Variants in CACNA2D3 observed in about 807,000 individuals in gnomAD.
CACNA2D3 encodes the protein voltage-dependent calcium channel subunit alpha-2/delta-3.
A neutral mutation model predicts 160.6 loss-of-function variants in CACNA2D3; 60 were observed. The ratio of observed to expected loss-of-function variants is 0.37; its 90% CI spans 0.30 to 0.46. The LOEUF is 0.46. Ranked by LOEUF, CACNA2D3 falls within the 20% of genes least tolerant of loss-of-function variation. The pLI, the probability that CACNA2D3 is intolerant of heterozygous loss-of-function variation, is 1.00. For synonymous variants in CACNA2D3, 558 were observed against 492.9 expected, an observed-to-expected ratio of 1.13 and a Z score of -1.75; for missense variants, 1,205 against 1,365.0, an observed-to-expected ratio of 0.88 and a Z score of 1.85.
At chr3:54,708,606 A>AG (rs1312800645) in intron 11 of CACNA2D3, among the ~76,000 whole-genome samples, 1 of 152,176 alleles carries the variant, frequency 6.6e-6, no homozygotes, top group Non-Finnish European at 1.5e-5. Context: ...AGTATGCAGG[A>AG]GGTAGAGAGT....
intron 2 of CACNA2D3, among the ~76,000 whole-genome samples, chr3:54,285,281 T>A (rs1368744490): frequency 1.3e-5 from 2 of 152,182 alleles, no homozygotes; most frequent in Non-Finnish European, 2.9e-5. Context: ...CAGGAGATTA[T>A]ATTCCTCACC....
intron 3 of CACNA2D3, among the ~76,000 whole-genome samples, chr3:54,372,933 G>A (rs1255558444): frequency 6.6e-6 from 1 of 152,204 alleles, no homozygotes; most frequent in African/African-American, 2.4e-5. Context: ...AATAACAAAA[G>A]TGAATTTCAG....
intron 32 of CACNA2D3, among the ~76,000 whole-genome samples, chr3:55,007,105 T>G (rs2107141714): frequency 6.6e-6 from 1 of 152,328 alleles, no homozygotes; most frequent in Admixed American, 6.5e-5. Flanking sequence ...GAAATTGAAT[T>G]ATCCACATAG....
intron 27 of CACNA2D3, chr3:54,918,994 C>A: frequency 1.1e-6 from 1 of 871,174 alleles, no homozygotes; most frequent in South Asian, 3.3e-5. Flanking sequence ...TTATGAAGTA[C>A]CTTTTTTTTT....
At chr3:54,609,781 A>T (rs1217848294) in intron 9 of CACNA2D3, among the ~76,000 whole-genome samples, 1 of 152,216 alleles carries the variant, frequency 6.6e-6, no homozygotes, top group Non-Finnish European at 1.5e-5. Context: ...GGCATTTCCA[A>T]AGCATTTTCT....
intron 12 of CACNA2D3, among the ~76,000 whole-genome samples, chr3:54,758,565 A>G (rs1702020304): frequency 6.6e-6 from 1 of 152,196 alleles, no homozygotes; most frequent in Non-Finnish European, 1.5e-5. Flanking sequence ...TTCTATAGAA[A>G]TAAGTGTTTT....
At chr3:54,599,654 C>T (rs1208079473) in intron 9 of CACNA2D3, among the ~76,000 whole-genome samples, 1 of 152,164 alleles carries the variant, frequency 6.6e-6, no homozygotes, top group Non-Finnish European at 1.5e-5. Flanking sequence ...TGGTCTTTCA[C>T]ATGCAGATTA....
At chr3:54,720,701 A>G (rs933334814) in intron 11 of CACNA2D3, among the ~76,000 whole-genome samples, 4 of 151,996 alleles carry the variant, frequency 2.6e-5, no homozygotes, top group Non-Finnish European at 5.9e-5. Context: ...ATGATATTGT[A>G]TTTCTCTCTG....
intron 2 of CACNA2D3, among the ~76,000 whole-genome samples, chr3:54,301,657 C>T (rs774405247): frequency 5.9e-5 from 9 of 152,068 alleles, no homozygotes; most frequent in African/African-American, 9.7e-5. Context: ...CATGATTTCC[C>T]GTACTGGTTC....
chr3:54,912,822 A>G (rs1166863360), intron 27 of CACNA2D3, among the ~76,000 whole-genome samples: 1 of 152,128 alleles, frequency 6.6e-6, no homozygotes, highest in East Asian at 1.9e-4. Context: ...TACTTGGAAA[A>G]GGAGAACATC....
At chr3:54,437,887 T>A (rs547293019) in intron 4 of CACNA2D3, among the ~76,000 whole-genome samples, 1 of 152,248 alleles carries the variant, frequency 6.6e-6, no homozygotes, top group Admixed American at 6.5e-5. Context: ...GCTGAGAGTG[T>A]TTGCAGTTGG....
At chr3:54,323,540 C>T (rs1704056022) in intron 3 of CACNA2D3, among the ~76,000 whole-genome samples, 1 of 150,956 alleles carries the variant, frequency 6.6e-6, no homozygotes, top group Non-Finnish European at 1.5e-5. Context: ...GATCTCAGCT[C>T]ACTGCAAGCT....
intron 8 of CACNA2D3, among the ~76,000 whole-genome samples, chr3:54,575,317 G>T (rs1166637160): frequency 6.6e-6 from 1 of 152,130 alleles, no homozygotes; most frequent in Non-Finnish European, 1.5e-5. Context: ...CAGAACTTTG[G>T]ATTCTTTAAA....
chr3:54,902,282 A>G (rs1186811416), intron 27 of CACNA2D3, among the ~76,000 whole-genome samples: 4 of 152,190 alleles, frequency 2.6e-5, no homozygotes, highest in African/African-American at 7.2e-5. Context: ...TGGGGTAGAA[A>G]GAGGTTTTTT....
At chr3:54,806,189 G>A (rs1703117241) in intron 13 of CACNA2D3, among the ~76,000 whole-genome samples, 1 of 152,308 alleles carries the variant, frequency 6.6e-6, no homozygotes, top group South Asian at 2.1e-4. Context: ...CATAGTGTTG[G>A]AAGTTCTGGC....
chr3:54,694,748 C>A (rs1236647645), intron 11 of CACNA2D3, among the ~76,000 whole-genome samples: 1 of 152,126 alleles, frequency 6.6e-6, no homozygotes, highest in African/African-American at 2.4e-5. Context: ...ACATGCTTAC[C>A]CCCTCCTCTG....
At chr3:54,737,120 T>C (rs1701548746) in intron 11 of CACNA2D3, among the ~76,000 whole-genome samples, 1 of 151,946 alleles carries the variant, frequency 6.6e-6, no homozygotes, top group Admixed American at 6.6e-5. Context: ...GATTAGCAGT[T>C]GGGAAAACAA....
chr3:54,684,283 A>G (rs977189210), intron 11 of CACNA2D3, among the ~76,000 whole-genome samples: 1 of 152,006 alleles, frequency 6.6e-6, no homozygotes, highest in African/African-American at 2.4e-5. Flanking sequence ...TTTTATAAAG[A>G]CACCAGTCAT....
chr3:54,828,456 G>A (rs1703791273), intron 14 of CACNA2D3, among the ~76,000 whole-genome samples: 1 of 152,074 alleles, frequency 6.6e-6, no homozygotes. Flanking sequence ...ATATGTTCAT[G>A]GTCAAAGGCA....
Sources: gnomAD v4.1 joint callset for allele counts (sites outside exome capture counted in the v4.1 genomes callset) on GRCh38, gnomAD v4.1.1 for gene constraint, MANE v1.5 for transcripts, NCBI Gene and HGNC (gene_info 2026-07-23, HGNC 2026-07-21) for gene names.